Variants in TMEM161A observed in about 807,000 individuals in gnomAD.
The protein encoded by TMEM161A is transmembrane protein 161A.
In TMEM161A, 46 loss-of-function variants were observed where a neutral mutation model predicts 57.1. That is an observed-to-expected ratio of 0.81 (90% CI 0.64 to 1.03). TMEM161A has a LOEUF of 1.03. Ranked by LOEUF, TMEM161A falls within the 50% of genes least tolerant of loss-of-function variation. The pLI is 0.00. For synonymous variants in TMEM161A, 288 were observed against 279.0 expected (o/e 1.03, Z -0.32); for missense variants, 601 against 621.5 (o/e 0.97, Z 0.35).
rs779513579 is a variant in TMEM161A, at chr19:19,138,462, G to C, written c.-34C>G. On this transcript the variant is annotated 5_prime_UTR_variant, in exon 1 of 12. Coordinates refer to ENST00000162044, the MANE Select transcript of TMEM161A (RefSeq NM_017814.3). ...CGAGAACGCGGTGCACTCACCCACC[G>C]GCCTAGGGCTCCGGGCACTCTGCGG... is the stretch of plus-strand genomic sequence containing the variant. 1.9e-6 allele frequency: 3 copies of C among 1,591,632 alleles called. No homozygotes were observed. The highest frequency in any genetic ancestry group is 2.3e-5 in the East Asian group (1 of 43,452).
At chr19:19,131,299 CAA>C (rs1360925460) in intron 5 of TMEM161A, among the ~76,000 whole-genome samples, 1 of 151,994 alleles carries the variant, frequency 6.6e-6, no homozygotes, top group East Asian at 1.9e-4. Flanking sequence ...TTTCCCACTC[CAA>C]AAGTCACAGG....
At chr19:19,135,771 T>C (rs1202382909) in intron 1 of TMEM161A, among the ~76,000 whole-genome samples, 1 of 152,148 alleles carries the variant, frequency 6.6e-6, no homozygotes, top group East Asian at 1.9e-4. Context: ...GAGACAGGGT[T>C]TCTCCATGTT....
Position 19,133,140 on chromosome 19 carries a change from T to C in TMEM161A, c.178A>G (p.Arg60Gly). Residue 60 changes from arginine (R) to glycine (G), a missense_variant, in exon 3 of 12, where the codon AGG becomes GGG. Coordinates refer to ENST00000162044, the MANE Select transcript of TMEM161A (RefSeq NM_017814.3). ...ALAGKPRPRG[R>G]KERWANGLSE... ...GCCCAGGTCACTCACCGCTCTTTCC[T>C]GCCTCTGGGCCTCGGCTTCCCCGCC... 6.2e-7 allele frequency: 1 copy of C among 1,614,112 alleles called. No individual in the cohort carries two copies. The highest frequency in any genetic ancestry group is 8.5e-7 in the Non-Finnish European group (1 of 1,179,970).
At position 19,132,930 on chromosome 19, in the gene TMEM161A, GC is replaced by G; in HGVS notation, c.189-177del. 1 of 716,988 alleles carries G rather than the reference GC, an allele frequency of 1.4e-6. No homozygotes were observed. The allele number at this position is 716,988 out of a possible 1,614,324, so 44.4% of individuals were successfully genotyped here. On this transcript the variant is annotated intron_variant, in intron 3 of 11. Coordinates refer to ENST00000162044, the MANE Select transcript of TMEM161A (RefSeq NM_017814.3). The surrounding 1 kb of genome is among the most constrained non-coding windows in gnomAD (Gnocchi z 4.3). ...CCCACAGGACTGGCTAGAGCAAACTGCCAGGAAACAGATGCTAACTTGACAG... is the reference window on the plus strand; with the variant it reads ...CCCACAGGACTGGCTAGAGCAAACTGCAGGAAACAGATGCTAACTTGACAG...
chr19:19,127,216 G>A (rs930639293), intron 6 of TMEM161A, among the ~76,000 whole-genome samples: 36 of 151,994 alleles, frequency 2.4e-4, no homozygotes, highest in Middle Eastern at 3.4e-3. Flanking sequence ...GGTTCACAGC[G>A]GTATTAGTCA....
At chr19:19,127,215 C>T (rs1555772119) in intron 6 of TMEM161A, among the ~76,000 whole-genome samples, 1 of 151,732 alleles carries the variant, frequency 6.6e-6, no homozygotes, top group Non-Finnish European at 1.5e-5. Context: ...AGGTTCACAG[C>T]GGTATTAGTC....
At chr19:19,122,766 CAAAAAAAA>C (rs1172853044) in intron 6 of TMEM161A, among the ~76,000 whole-genome samples, 1 of 117,962 alleles carries the variant, frequency 8.5e-6, no homozygotes, top group Non-Finnish European at 1.7e-5. Context: ...AAGACCTTGT[CAAAAAAAA>C]AAAAAAAAAG....
At chr19:19,133,564 C>T (rs2059970081) in intron 2 of TMEM161A, among the ~76,000 whole-genome samples, 2 of 152,114 alleles carry the variant, frequency 1.3e-5, no homozygotes, top group African/African-American at 2.4e-5. Flanking sequence ...CTCCACTTCC[C>T]CGGTTCAAGT....
Position 19,121,702 on chromosome 19 carries a change from G to A in TMEM161A, c.657-34C>T, listed in dbSNP as rs2059911898. 1 of 1,612,148 alleles carries A rather than the reference G, an allele frequency of 6.2e-7. No individual in the cohort carries two copies. The highest frequency in any genetic ancestry group is 1.3e-5 in the African/African-American group (1 of 74,854). ...ACACCAGGTCACGAGCCTGCCTGGG[G>A]GACCCTGGGAGGGTCCCAGCCTGCC... On this transcript the variant is annotated intron_variant, in intron 7 of 11. Coordinates refer to ENST00000162044, the MANE Select transcript of TMEM161A (RefSeq NM_017814.3). This position sits in a 1 kb window ranked among gnomAD's most constrained non-coding sequence, Gnocchi z 5.8.
Position 19,132,864 on chromosome 19 carries a change from TG to T in TMEM161A, c.189-111del. On this transcript the variant is annotated intron_variant, in intron 3 of 11. Transcript: ENST00000162044. The surrounding 1 kb of genome is among the most constrained non-coding windows in gnomAD (Gnocchi z 4.3). Reference sequence around the variant, plus strand: ...TGGAGACCATCTCTTTCCACAACCTTGGCTCCTCTGCACACTGGGATATGGG... The same window carrying T: ...TGGAGACCATCTCTTTCCACAACCTTGCTCCTCTGCACACTGGGATATGGG... The T allele has an allele frequency of 1.1e-6, 1 of 929,728 alleles. No individual in the cohort carries two copies. Among genetic ancestry groups the T allele is most frequent in the Non-Finnish European group, 1.6e-6 (1 of 627,596 alleles). The allele number at this position is 929,728 out of a possible 1,614,324, so 57.6% of individuals were successfully genotyped here. A position where few individuals can be genotyped will look rare whatever the true frequency, so the allele number is the denominator to read the frequency against.
chr19:19,136,052 T>A (rs894423141), intron 1 of TMEM161A, among the ~76,000 whole-genome samples: 1 of 151,826 alleles, frequency 6.6e-6, no homozygotes, highest in Admixed American at 6.6e-5. Context: ...TCTCACCCAG[T>A]TCTTAATTCA....
At position 19,121,082 on chromosome 19, in the gene TMEM161A, G is replaced by A. The variant is rs1337914261; in HGVS notation, c.999C>T (p.His333=). The A allele has an allele frequency of 6.2e-7, 1 of 1,611,608 alleles. No homozygotes were observed. The highest frequency in any genetic ancestry group is 8.5e-7 in the Non-Finnish European group (1 of 1,179,484). ...CLLRLAVTRP[H]LQAYLCLAKA... is the part of the protein sequence containing the mutation. ...TGGCCAGGCACAGGTAGGCCTGCAG[G>A]TGGGGCCGGGTCACCGCCAGCCGCA... is the stretch of plus-strand genomic sequence containing the variant. Residue 333 remains histidine, a synonymous_variant, in exon 10 of 12, where the codon CAC becomes CAT. Coordinates refer to ENST00000162044, the MANE Select transcript of TMEM161A (RefSeq NM_017814.3). This position sits in a 1 kb window ranked among gnomAD's most constrained non-coding sequence, Gnocchi z 5.8.
Position 19,121,753 on chromosome 19 carries a change from A to T in TMEM161A, c.656+6T>A, listed in dbSNP as rs1257693157. 1.2e-6 allele frequency: 2 copies of T among 1,613,838 alleles called. No homozygotes were observed. The highest frequency in any genetic ancestry group is 1.7e-6 in the Non-Finnish European group (2 of 1,179,936). On this transcript the variant is annotated splice_donor_region_variant and intron_variant, in intron 7 of 11. Coordinates refer to ENST00000162044, the MANE Select transcript of TMEM161A (RefSeq NM_017814.3). The surrounding 1 kb of genome is among the most constrained non-coding windows in gnomAD (Gnocchi z 5.8). ...CTTGCCTCCCTCCCCCATTCCCAGG[A>T]CTCACGCCCAGTCCCAGCCCTGCTT...
intron 6 of TMEM161A, among the ~76,000 whole-genome samples, chr19:19,126,456 T>C (rs2059931808): frequency 6.6e-6 from 1 of 152,162 alleles, no homozygotes; most frequent in Admixed American, 6.5e-5. Context: ...CTGAGCACAG[T>C]GGTGCACACC....
intron 11 of TMEM161A, 85 bp from the exon 12 acceptor site, chr19:19,120,268 T>C: frequency 8.4e-7 from 1 of 1,189,746 alleles, no homozygotes; most frequent in Non-Finnish European, 1.2e-6. Flanking sequence ...GCCAGGCCCA[T>C]TCCTCCAGAC....
chr19:19,134,340 G>A (rs1424294822), intron 2 of TMEM161A, among the ~76,000 whole-genome samples: 7 of 152,124 alleles, frequency 4.6e-5, no homozygotes, highest in South Asian at 4.1e-4. Context: ...GGGAACTCAC[G>A]CCTGTAATCC....
At chr19:19,136,115 G>C (rs536424755) in intron 1 of TMEM161A, among the ~76,000 whole-genome samples, 1 of 151,844 alleles carries the variant, frequency 6.6e-6, no homozygotes, top group Non-Finnish European at 1.5e-5. Flanking sequence ...TCAGTCTGTG[G>C]TGAAGCTGGG....
chr19:19,129,959 G>A (rs1239048961), intron 6 of TMEM161A, among the ~76,000 whole-genome samples, 197 bp downstream of exon 6: 1 of 152,116 alleles, frequency 6.6e-6, no homozygotes, highest in Non-Finnish European at 1.5e-5. Context: ...CAGAGACAGT[G>A]AGAGAGGCAA....
At chr19:19,130,521 C>T (rs948839383) in intron 5 of TMEM161A, 12 of 598,444 alleles carry the variant, frequency 2.0e-5, no homozygotes, top group Middle Eastern at 8.2e-4. Context: ...CTCATCAGGC[C>T]ACCGTGTCTG....
Sources: gnomAD v4.1 joint callset for allele counts (sites outside exome capture counted in the v4.1 genomes callset) on GRCh38, gnomAD v4.1.1 for gene constraint, Gnocchi (gnomAD v3.1) non-coding constraint, MANE v1.5 for transcripts, NCBI Gene and HGNC (gene_info 2026-07-23, HGNC 2026-07-21) for gene names.